Variants in PRH1 observed in about 807,000 individuals in gnomAD.
The protein encoded by PRH1 is proline rich protein HaeIII subfamily 1.
A neutral mutation model predicts 7.9 loss-of-function variants in PRH1; 7 were observed. That is an observed-to-expected ratio of 0.89 (90% CI 0.50 to 1.67). The LOEUF is 1.67. Ranked by LOEUF, PRH1 falls within the 40% of genes most tolerant of loss-of-function variation. The pLI is 0.00. For missense variants in PRH1, 109 were observed against 223.6 expected (o/e 0.49, Z 3.27); for synonymous variants, 45 against 80.8 (o/e 0.56, Z 2.38).
intron 1 of PRH1, among the ~76,000 whole-genome samples, chr12:11,017,077 T>TGAGCA (rs1476671496): frequency 6.6e-6 from 1 of 152,280 alleles, no homozygotes; most frequent in Non-Finnish European, 1.5e-5. Context: ...GTATCTTCCC[T>TGAGCA]GAGCAGAGCA....
chr12:11,092,618 AAT>A (rs1360382489), intron 1 of PRH1, among the ~76,000 whole-genome samples: 2 of 114,238 alleles, frequency 1.8e-5, no homozygotes, highest in African/African-American at 5.9e-5. Context: ...TGCATTTTAC[AAT>A]CCTCTTGCTA....
intron 1 of PRH1, among the ~76,000 whole-genome samples, chr12:11,014,810 T>C (rs1025975336): frequency 6.6e-6 from 1 of 152,088 alleles, no homozygotes; most frequent in Non-Finnish European, 1.5e-5. Flanking sequence ...ATCCACACCA[T>C]CTGAGACTTT....
intron 2 of PRH1, among the ~76,000 whole-genome samples, chr12:10,971,853 CTT>C (rs1178430424): frequency 4.6e-5 from 7 of 151,986 alleles, no homozygotes; most frequent in African/African-American, 1.7e-4. Flanking sequence ...ACATATTACT[CTT>C]TTATCATTCT....
At chr12:10,958,662 G>A (rs772799710) in intron 2 of PRH1, among the ~76,000 whole-genome samples, 5 of 152,156 alleles carry the variant, frequency 3.3e-5, no homozygotes, top group Middle Eastern at 3.2e-3. Context: ...GAGTGATAAC[G>A]TTCAGTGTTG....
chr12:10,904,925 C>T (rs1433128937), intron 2 of PRH1, among the ~76,000 whole-genome samples: 1 of 151,728 alleles, frequency 6.6e-6, no homozygotes, highest in African/African-American at 2.4e-5. Flanking sequence ...TTTTAAAAGG[C>T]TCAACATCAC....
chr12:11,072,896 TCA>T (rs1944137924), intron 1 of PRH1, among the ~76,000 whole-genome samples: 1 of 151,638 alleles, frequency 6.6e-6, no homozygotes, highest in Non-Finnish European at 1.5e-5. Context: ...ACTTCTGCTC[TCA>T]GTTTAATTTA....
chr12:10,886,505 C>G (rs1265312770), upstream of PRH1, among the ~76,000 whole-genome samples: 5 of 152,278 alleles, frequency 3.3e-5, no homozygotes, highest in East Asian at 9.6e-4. Context: ...TATGCTCTCA[C>G]TAGACACATC....
chr12:11,145,477 G>C (rs572801509), intron 1 of PRH1, among the ~76,000 whole-genome samples: 41 of 152,242 alleles, frequency 2.7e-4, no homozygotes, highest in African/African-American at 7.9e-4. Context: ...ACAGGTGTGA[G>C]CCACCATACC....
chr12:11,134,110 G>T (rs1227965942), intron 1 of PRH1: 1 of 1,613,990 alleles, frequency 6.2e-7, no homozygotes, highest in Non-Finnish European at 8.5e-7. Flanking sequence ...TGAGAATTTG[G>T]TCAACAAAGG....
chr12:11,164,429 TATA>T (rs745846327), intron 1 of PRH1, among the ~76,000 whole-genome samples: 14 of 152,206 alleles, frequency 9.2e-5, no homozygotes, highest in Non-Finnish European at 1.6e-4. Flanking sequence ...AGCCAATCCC[TATA>T]ATGAATCCCT....
chr12:10,891,051 G>C (rs1949566097), intron 2 of PRH1, among the ~76,000 whole-genome samples: 1 of 152,068 alleles, frequency 6.6e-6, no homozygotes, highest in South Asian at 2.1e-4. Flanking sequence ...CAATATGTTG[G>C]GATGGTTCTG....
chr12:11,139,937 T>C (rs1946658214), intron 1 of PRH1, among the ~76,000 whole-genome samples: 1 of 152,106 alleles, frequency 6.6e-6, no homozygotes, highest in South Asian at 2.1e-4. Flanking sequence ...TACAGTTTTG[T>C]ATTTATATAA....
chr12:11,089,650 G>T (rs1944814223), intron 1 of PRH1, among the ~76,000 whole-genome samples: 1 of 128,970 alleles, frequency 7.8e-6, no homozygotes, highest in Admixed American at 7.8e-5. Context: ...TTTTGGTAAA[G>T]TAGCTGGTTA....
intron 1 of PRH1, among the ~76,000 whole-genome samples, chr12:10,995,802 A>C (rs914742233): frequency 1.3e-5 from 2 of 152,132 alleles, no homozygotes; most frequent in African/African-American, 4.8e-5. Flanking sequence ...TGACTTTTCT[A>C]ATTGCGTATG....
At chr12:11,165,745 T>C (rs1450346004) in intron 1 of PRH1, among the ~76,000 whole-genome samples, 1 of 152,204 alleles carries the variant, frequency 6.6e-6, no homozygotes, top group Non-Finnish European at 1.5e-5. Flanking sequence ...ATCCAATCTG[T>C]AGTTTATCTG....
intron 1 of PRH1, among the ~76,000 whole-genome samples, chr12:11,162,536 C>T (rs567059811): frequency 1.3e-5 from 2 of 152,244 alleles, no homozygotes; most frequent in Non-Finnish European, 2.9e-5. Flanking sequence ...TTAATGCATC[C>T]CCAGGAAAGG....
chr12:11,085,599 G>A (rs967334296), intron 1 of PRH1, among the ~76,000 whole-genome samples: 1 of 115,716 alleles, frequency 8.6e-6, no homozygotes, highest in Non-Finnish European at 2.0e-5. Context: ...AAGCACCGGG[G>A]CATGCTATTG....
intron 1 of PRH1, among the ~76,000 whole-genome samples, chr12:11,102,788 C>T (rs1200233861): frequency 1.3e-5 from 2 of 152,048 alleles, no homozygotes; most frequent in Non-Finnish European, 2.9e-5. Flanking sequence ...TACAATCTAC[C>T]CATCTGACAA....
At chr12:10,986,177 C>A (rs1453390750) in intron 1 of PRH1, 2 of 1,613,892 alleles carry the variant, frequency 1.2e-6, no homozygotes, top group Non-Finnish European at 1.7e-6. Flanking sequence ...TCAGAGTTTG[C>A]AAAGCTTTTA....
Sources: gnomAD v4.1 joint callset for allele counts (sites outside exome capture counted in the v4.1 genomes callset) on GRCh38, gnomAD v4.1.1 for gene constraint, MANE v1.5 for transcripts, NCBI Gene and HGNC (gene_info 2026-07-23, HGNC 2026-07-21) for gene names.